DCD: variants seen among roughly 807,000 people sequenced by gnomAD.
DCD encodes the protein dermcidin, also known as diffusible survival/evasion peptide.
DCD carries 17 observed loss-of-function variants against 14.5 expected under a neutral mutation model. The observed-to-expected ratio is 1.18, with a 90% confidence interval of 0.81 to 1.76. DCD has a LOEUF of 1.76. Among genes scored for constraint, DCD ranks in the 40% most tolerant of loss-of-function variants. The pLI, the probability that DCD is intolerant of heterozygous loss-of-function variation, is 0.00. For missense variants in DCD, 139 were observed against 133.4 expected, an observed-to-expected ratio of 1.04 and a Z score of -0.21; for synonymous variants, 64 against 54.0, an observed-to-expected ratio of 1.19 and a Z score of -0.82.
chr12:54,645,569 T>A lies in DCD; in HGVS notation c.199+37A>T, dbSNP rs763149370. 6 of 1,573,036 alleles carry A rather than the reference T, an allele frequency of 3.8e-6. No individual in the cohort carries two copies. The South Asian group carries it at 6.7e-5, about 18-fold the overall frequency. ...CCCAGATATCTTGCTGTTTCATGCATCAGAATTCTATACCAGGCATTGGGA... is the reference window on the plus strand; with the variant it reads ...CCCAGATATCTTGCTGTTTCATGCAACAGAATTCTATACCAGGCATTGGGA... On this transcript the variant is annotated intron_variant, in intron 3 of 4. Coordinates refer to ENST00000293371, the MANE Select transcript of DCD (RefSeq NM_053283.4).
intron 4 of DCD, 103 bp downstream of exon 4, chr12:54,645,070 A>T: frequency 6.7e-7 from 1 of 1,494,378 alleles, no homozygotes; most frequent in South Asian, 1.2e-5. Flanking sequence ...TTGAAAGCAC[A>T]AAGTGAGGGG....
rs1172551412 is a variant in DCD at position 54,647,171 on chromosome 12, G to A, written c.59-12C>T. 6.4e-7 allele frequency: 1 copy of A among 1,560,098 alleles called. No individual in the cohort carries two copies. Among genetic ancestry groups the A allele is most frequent in the South Asian group, 1.2e-5 (1 of 84,466 alleles). ...GGCCTCTGGATCATCTGCAAAGGAG[G>A]GAACAGTGACCATGTCAAGTAGGGC... is the stretch of plus-strand genomic sequence containing the variant. On this transcript the variant is annotated splice_polypyrimidine_tract_variant and intron_variant, in intron 1 of 4. Coordinates refer to ENST00000293371, the MANE Select transcript of DCD (RefSeq NM_053283.4).
intron 4 of DCD, 90 bp from the exon 5 acceptor site, chr12:54,644,846 G>A (rs1234468741): frequency 1.3e-6 from 2 of 1,546,828 alleles, no homozygotes; most frequent in Non-Finnish European, 1.7e-6. Context: ...GGAGAGGTAG[G>A]GGAAGGGGAA....
intron 2 of DCD, chr12:54,646,135 C>T: frequency 2.2e-6 from 1 of 456,568 alleles, no homozygotes; most frequent in Non-Finnish European, 4.4e-6. Context: ...TAGCTGTAAA[C>T]AATCCATTTG....
intron 2 of DCD, among the ~76,000 whole-genome samples, chr12:54,646,358 A>G (rs1165858580): frequency 6.6e-6 from 1 of 152,110 alleles, no homozygotes; most frequent in African/African-American, 2.4e-5. Flanking sequence ...GAGTGTGTAC[A>G]TGGCTGGGGA....
At position 54,645,593 on chromosome 12, in the gene DCD, G is replaced by T. The variant is rs181656358; in HGVS notation, c.199+13C>A. 6.2e-7 allele frequency: 1 copy of T among 1,611,390 alleles called. No individual in the cohort carries two copies. Among genetic ancestry groups the T allele is most frequent in the Non-Finnish European group, 8.5e-7 (1 of 1,177,734 alleles). ...ATCAGAATTCTATACCAGGCATTGG[G>T]AAAGAGGCTTACCCAGAAGGCTGGA... On this transcript the variant is annotated intron_variant, in intron 3 of 4. Coordinates refer to ENST00000293371, the MANE Select transcript of DCD (RefSeq NM_053283.4).
chr12:54,645,942 A>G, intron 2 of DCD: 1 of 554,172 alleles, frequency 1.8e-6, no homozygotes, highest in Non-Finnish European at 3.4e-6. Context: ...AGAGTAGATT[A>G]TGGTTCAGGG....
Position 54,645,596 on chromosome 12 carries a change from A to C in DCD, c.199+10T>G. The C allele has an allele frequency of 1.2e-6, 2 of 1,612,744 alleles. No homozygotes were observed. Among genetic ancestry groups the C allele is most frequent in the South Asian group, 2.2e-5 (2 of 90,956 alleles). On this transcript the variant is annotated intron_variant, in intron 3 of 4. Coordinates refer to ENST00000293371, the MANE Select transcript of DCD (RefSeq NM_053283.4). ...AGAATTCTATACCAGGCATTGGGAA[A>C]GAGGCTTACCCAGAAGGCTGGATCT... is the stretch of plus-strand genomic sequence containing the variant.
At chr12:54,646,740 A>T (rs1023205082) in intron 2 of DCD, among the ~76,000 whole-genome samples, 2 of 152,196 alleles carry the variant, frequency 1.3e-5, no homozygotes, top group East Asian at 3.8e-4. Context: ...TCAGGCTAGG[A>T]GGTGAGAGTT....
chr12:54,647,224 G>T, intron 1 of DCD, 65 bp from the exon 2 acceptor site: 1 of 1,497,328 alleles, frequency 6.7e-7, no homozygotes, highest in South Asian at 1.3e-5. Context: ...ATCCAGCCAG[G>T]GCTGCCTAGA....
intron 1 of DCD, 84 bp downstream of exon 1, chr12:54,648,162 G>A: frequency 3.4e-6 from 5 of 1,486,784 alleles, no homozygotes; most frequent in Non-Finnish European, 4.7e-6. Flanking sequence ...AACTGCCTCT[G>A]GCGAGGAGGG....
chr12:54,644,624 A>ATTTTTTTT lies in DCD; in HGVS notation c.*81_*88dup. 1.7e-5 allele frequency: 11 copies of ATTTTTTTT among 651,414 alleles called. No individual in the cohort carries two copies. Among genetic ancestry groups the ATTTTTTTT allele is most frequent in the East Asian group, 6.0e-5 (2 of 33,256 alleles). The allele number at this position is 651,414 out of a possible 1,614,324, so 40.4% of individuals were successfully genotyped here. A position where few individuals can be genotyped will look rare whatever the true frequency, so the allele number is the denominator to read the frequency against. ...GCTTTCAGTTTAATAGCTGTTTTAA[A>ATTTTTTTT]TTTTTTTTTTTTTTTTTTTTTTTAG... On this transcript the variant is annotated 3_prime_UTR_variant, in exon 5 of 5. Coordinates refer to ENST00000293371, the MANE Select transcript of DCD (RefSeq NM_053283.4).
chr12:54,645,236 C>CAT lies in DCD; in HGVS notation c.225_226insAT (p.Ala76MetfsTer9). 1 of 1,614,044 alleles carries CAT rather than the reference C, an allele frequency of 6.2e-7. No individual in the cohort carries two copies. Among genetic ancestry groups the CAT allele is most frequent in the Non-Finnish European group, 8.5e-7 (1 of 1,180,014 alleles). On this transcript the variant is annotated frameshift_variant, in exon 4 of 5. Coordinates refer to ENST00000293371, the MANE Select transcript of DCD (RefSeq NM_053283.4). LOFTEE classifies it high-confidence loss of function. ...CCTAGTTTTCCGAGTCCCCCCACAG[C>CAT]TTTTTTTGCTCCGTCTAGGCCTTTT... is the stretch of plus-strand genomic sequence containing the variant.
intron 4 of DCD, 95 bp from the exon 5 acceptor site, chr12:54,644,851 G>A: frequency 6.4e-7 from 1 of 1,551,550 alleles, no homozygotes; most frequent in Non-Finnish European, 8.7e-7. Context: ...GGTAGGGGAA[G>A]GGGAAGGGGA....
intron 1 of DCD, among the ~76,000 whole-genome samples, chr12:54,647,421 T>C (rs575738467): frequency 6.6e-6 from 1 of 152,340 alleles, no homozygotes; most frequent in East Asian, 1.9e-4. Flanking sequence ...CTCTCTTCTA[T>C]GTCTTAGATG....
rs1165909727 is a variant in DCD at position 54,645,576 on chromosome 12, T to G, written c.199+30A>C. On this transcript the variant is annotated intron_variant, in intron 3 of 4. Coordinates refer to ENST00000293371, the MANE Select transcript of DCD (RefSeq NM_053283.4). ...ATCTTGCTGTTTCATGCATCAGAAT[T>G]CTATACCAGGCATTGGGAAAGAGGC... The G allele has an allele frequency of 1.1e-5, 18 of 1,591,090 alleles. No homozygotes were observed. In the East Asian group the frequency reaches 3.8e-4, roughly 34 times the overall value.
intron 2 of DCD, chr12:54,646,044 T>C (rs1458510707): frequency 1.3e-5 from 6 of 462,370 alleles, no homozygotes; most frequent in Non-Finnish European, 2.2e-5. Context: ...GGGGAGGTTT[T>C]GCAGAGGGCA....
At chr12:54,645,516 T>C (rs1958252137) in intron 3 of DCD, 90 bp downstream of exon 3, 1 of 1,185,244 alleles carries the variant, frequency 8.4e-7, no homozygotes, top group South Asian at 1.4e-5. Flanking sequence ...TGTGTCCCTG[T>C]GCTTGTGCCT....
At chr12:54,646,108 T>C (rs1592200755) in intron 2 of DCD, 1 of 457,228 alleles carries the variant, frequency 2.2e-6, no homozygotes, top group South Asian at 1.5e-5. Context: ...TTTGGCAGTC[T>C]CTGAAGGGGG....
Sources: gnomAD v4.1 joint callset for allele counts (sites outside exome capture counted in the v4.1 genomes callset) on GRCh38, gnomAD v4.1.1 for gene constraint, MANE v1.5 for transcripts, NCBI Gene and HGNC (gene_info 2026-07-23, HGNC 2026-07-21) for gene names.